RPRD1A: variants seen among roughly 807,000 people sequenced by gnomAD.
RPRD1A encodes the protein regulation of nuclear pre-mRNA domain-containing protein 1A.
In RPRD1A, 9 loss-of-function variants were observed where a neutral mutation model predicts 37.8. That is an observed-to-expected ratio of 0.24 (90% CI 0.14 to 0.42). RPRD1A has a LOEUF of 0.42. RPRD1A is among the 10% of genes least tolerant of loss of function. RPRD1A has a pLI of 1.00. For synonymous variants in RPRD1A, 138 were observed against 139.7 expected, an observed-to-expected ratio of 0.99 and a Z score of 0.08; for missense variants, 255 against 371.0, an observed-to-expected ratio of 0.69 and a Z score of 2.57.
In RPRD1A at chr18:36,067,503, C is replaced by T. The variant is rs968455207; in HGVS notation, c.-99G>A. 2 of 1,271,072 alleles carry T rather than the reference C, an allele frequency of 1.6e-6. No individual in the cohort carries two copies. The highest frequency in any genetic ancestry group is 1.5e-5 in the African/African-American group (1 of 66,190). The allele number at this position is 1,271,072 out of a possible 1,614,324, so 78.7% of individuals were successfully genotyped here. On this transcript the variant is annotated 5_prime_UTR_variant, in exon 1 of 7. Coordinates refer to ENST00000399022, the MANE Select transcript of RPRD1A (RefSeq NM_018170.5). ...GCCTCGCCCCCTCACCCCACCCTTC[C>T]CCACGCTCTCACCACGGCCGCCGCT...
chr18:36,025,758 T>A, intron 6 of RPRD1A: 1 of 615,734 alleles, frequency 1.6e-6, no homozygotes, highest in Non-Finnish European at 2.4e-6. Flanking sequence ...TACTTACCCT[T>A]AATTCTGTGG....
rs750975524 is a variant in RPRD1A, at chr18:36,030,842, C to G, written c.452G>C (p.Cys151Ser). ...EQIKVDENEN[C>S]SSLGSPSEPP... ...TTCACTTGGAGATCCCAGAGAGGAA[C>G]AGTTTTCATTTTCATCCACCTTTAT... The change falls in exon 4 of 7, where the codon TGT (cysteine) becomes TCT (serine). Residue 151 changes from cysteine (C) to serine (S), a missense_variant. Coordinates refer to ENST00000399022, the MANE Select transcript of RPRD1A (RefSeq NM_018170.5). 1 of 1,613,168 alleles carries G rather than the reference C, an allele frequency of 6.2e-7. No homozygotes were observed. The highest frequency in any genetic ancestry group is 1.1e-5 in the South Asian group (1 of 91,004).
chr18:36,015,955 A>G (rs1320573452), intron 6 of RPRD1A, among the ~76,000 whole-genome samples: 1 of 152,252 alleles, frequency 6.6e-6, no homozygotes, highest in African/African-American at 2.4e-5. Flanking sequence ...GGCAAATTTT[A>G]TGTGTATTTT....
At chr18:36,029,354 C>G (rs563918884) in intron 4 of RPRD1A, among the ~76,000 whole-genome samples, 2 of 152,274 alleles carry the variant, frequency 1.3e-5, no homozygotes, top group African/African-American at 4.8e-5. Flanking sequence ...TCCCACGGAG[C>G]ACTGTGAGTT....
intron 2 of RPRD1A, among the ~76,000 whole-genome samples, chr18:36,031,342 A>G (rs1357090597): frequency 6.6e-6 from 1 of 151,098 alleles, no homozygotes; most frequent in Non-Finnish European, 1.5e-5. Context: ...TTTAAACTGT[A>G]AAAGTTTTAG....
At chr18:36,031,871 C>T (rs559450975) in intron 2 of RPRD1A, among the ~76,000 whole-genome samples, 29 of 152,338 alleles carry the variant, frequency 1.9e-4, no homozygotes, top group Admixed American at 1.1e-3. Flanking sequence ...TTACTCTGGG[C>T]CATAAGGCCC....
At chr18:36,022,923 C>T (rs926572039) in intron 6 of RPRD1A, among the ~76,000 whole-genome samples, 1 of 152,194 alleles carries the variant, frequency 6.6e-6, no homozygotes, top group Non-Finnish European at 1.5e-5. Context: ...GATTGCATGA[C>T]TACTCCAGCC....
At chr18:36,024,313 ATTTTTTTTTT>A (rs781696260) in intron 6 of RPRD1A, among the ~76,000 whole-genome samples, 1 of 126,566 alleles carries the variant, frequency 7.9e-6, no homozygotes, top group African/African-American at 3.0e-5. Context: ...CACCTGGTTA[ATTTTTTTTTT>A]TTTTTTTTTT....
chr18:36,049,479 A>T (rs1913215723), intron 1 of RPRD1A, among the ~76,000 whole-genome samples: 1 of 152,166 alleles, frequency 6.6e-6, no homozygotes, highest in Admixed American at 6.5e-5. Context: ...TGCATAAGGA[A>T]GAAAATTCAT....
At chr18:36,048,272 G>A (rs1414994651) in intron 1 of RPRD1A, among the ~76,000 whole-genome samples, 1 of 151,934 alleles carries the variant, frequency 6.6e-6, no homozygotes, top group African/African-American at 2.4e-5. Context: ...CTCAGTGTTG[G>A]TCAGGTGGGT....
intron 4 of RPRD1A, among the ~76,000 whole-genome samples, chr18:36,029,712 T>A (rs1264834443): frequency 6.6e-6 from 1 of 151,570 alleles, no homozygotes; most frequent in Non-Finnish European, 1.5e-5. Flanking sequence ...GGACACAGAG[T>A]GTTAAGATAA....
intron 1 of RPRD1A, among the ~76,000 whole-genome samples, chr18:36,051,571 T>C (rs1440916215): frequency 6.6e-6 from 1 of 152,208 alleles, no homozygotes; most frequent in Non-Finnish European, 1.5e-5. Flanking sequence ...TTCTACACAC[T>C]TTCCAACATT....
intron 1 of RPRD1A, among the ~76,000 whole-genome samples, chr18:36,035,009 G>C (rs937695509): frequency 6.6e-6 from 1 of 152,150 alleles, no homozygotes; most frequent in Non-Finnish European, 1.5e-5. Flanking sequence ...GATTTTGCAA[G>C]TTGCTGGCAT....
At chr18:36,047,986 A>G (rs1022455494) in intron 1 of RPRD1A, among the ~76,000 whole-genome samples, 1 of 152,006 alleles carries the variant, frequency 6.6e-6, no homozygotes, top group African/African-American at 2.4e-5. Context: ...TGGTACTCTG[A>G]TATCAAAACC....
intron 1 of RPRD1A, among the ~76,000 whole-genome samples, chr18:36,061,474 C>G (rs1413285252): frequency 6.6e-6 from 1 of 152,180 alleles, no homozygotes; most frequent in Non-Finnish European, 1.5e-5. Flanking sequence ...TTCCTCCTAT[C>G]TATCTTGTTT....
intron 6 of RPRD1A, among the ~76,000 whole-genome samples, chr18:35,994,849 A>C (rs1206512727): frequency 6.6e-6 from 1 of 152,182 alleles, no homozygotes; most frequent in East Asian, 1.9e-4. Flanking sequence ...CCAAGATTTC[A>C]TCAAACTTTA....
intron 6 of RPRD1A, among the ~76,000 whole-genome samples, chr18:36,017,866 G>T (rs1910702545): frequency 6.6e-6 from 1 of 152,186 alleles, no homozygotes; most frequent in Admixed American, 6.5e-5. Flanking sequence ...TCTTCCACTA[G>T]ATGGCACTAT....
chr18:36,053,455 T>A (rs776324813), intron 1 of RPRD1A, among the ~76,000 whole-genome samples: 2 of 152,194 alleles, frequency 1.3e-5, no homozygotes, highest in African/African-American at 4.8e-5. Context: ...CTGCTTTGCA[T>A]GTTTCTGAGG....
intron 6 of RPRD1A, among the ~76,000 whole-genome samples, chr18:36,015,914 T>A (rs1483951834): frequency 2.6e-5 from 4 of 152,206 alleles, no homozygotes; most frequent in African/African-American, 9.6e-5. Flanking sequence ...TTAACACTAG[T>A]GACCTATATA....
Sources: gnomAD v4.1 joint callset for allele counts (sites outside exome capture counted in the v4.1 genomes callset) on GRCh38, gnomAD v4.1.1 for gene constraint, MANE v1.5 for transcripts, NCBI Gene and HGNC (gene_info 2026-07-23, HGNC 2026-07-21) for gene names.